Variants in GPHN observed in about 807,000 individuals in gnomAD.
GPHN encodes gephyrin.
GPHN carries 17 observed loss-of-function variants against 95.5 expected under a neutral mutation model. That is an observed-to-expected ratio of 0.18 (90% CI 0.12 to 0.27). The LOEUF is 0.27. Ranked by LOEUF, GPHN falls within the 10% of genes least tolerant of loss-of-function variation. GPHN has a pLI of 1.00. For missense variants in GPHN, 660 were observed against 978.1 expected, an observed-to-expected ratio of 0.67 and a Z score of 4.34; for synonymous variants, 320 against 322.5, an observed-to-expected ratio of 0.99 and a Z score of 0.08.
At chr14:67,463,671 T>C in the GPHN span, among the ~76,000 whole-genome samples, 1 of 149,024 alleles carries the variant, frequency 6.7e-6, no homozygotes. Flanking sequence ...AAAAGATTGC[T>C]GTGCCGAGCT....
chr14:66,907,377 T>C (rs908267579), intron 5 of GPHN, among the ~76,000 whole-genome samples: 10 of 152,050 alleles, frequency 6.6e-5, no homozygotes, highest in Admixed American at 6.6e-5. Flanking sequence ...AAAAGTAAAA[T>C]TATAAGAACA....
chr14:66,865,702 C>T (rs1330317022), intron 4 of GPHN, among the ~76,000 whole-genome samples: 1 of 152,064 alleles, frequency 6.6e-6, no homozygotes, highest in Non-Finnish European at 1.5e-5. Context: ...CTCTTGGATA[C>T]TTAATTTTTA....
In GPHN at chr14:66,652,946, G is replaced by T. The variant is rs564378493; in HGVS notation, c.65-28161G>T. Among the ~76,000 whole-genome samples, 3 of 152,258 alleles carry T rather than the reference G, an allele frequency of 2.0e-5. No individual in the cohort carries two copies. The South Asian group carries it at 6.2e-4, about 32-fold the overall frequency. ...TCACAACCTCCTGCATTCCATGCAG[G>T]CTTGACCTCTGCCTCTGCCTATTCT... On this transcript the variant is annotated intron_variant, in intron 1 of 22. Transcript: ENST00000478722.
At chr14:66,955,039 C>T (rs1368745958) in intron 8 of GPHN, among the ~76,000 whole-genome samples, 1 of 152,046 alleles carries the variant, frequency 6.6e-6, no homozygotes, top group African/African-American at 2.4e-5. Flanking sequence ...ATACTTGCAT[C>T]TATATTTATA....
intron 1 of GPHN, among the ~76,000 whole-genome samples, chr14:66,559,191 A>G (rs541456998): frequency 3.9e-5 from 6 of 152,268 alleles, no homozygotes; most frequent in South Asian, 2.1e-4. Context: ...TAGTACCGCA[A>G]TAAACATATG....
At chr14:67,726,887 G>T in the GPHN span, 1 of 1,118,442 alleles carries the variant, frequency 8.9e-7, no homozygotes, top group Non-Finnish European at 1.3e-6. Context: ...ACACCCAGAA[G>T]ATAGTGAGCT....
intron 5 of GPHN, among the ~76,000 whole-genome samples, chr14:66,905,660 A>G (rs1351746992): frequency 3.3e-5 from 5 of 152,070 alleles, no homozygotes; most frequent in Admixed American, 2.0e-4. Context: ...TTGTGGTACA[A>G]ATGATCCCAT....
At chr14:66,694,071 G>C (rs2067961375) in intron 2 of GPHN, among the ~76,000 whole-genome samples, 1 of 152,126 alleles carries the variant, frequency 6.6e-6, no homozygotes, top group Admixed American at 6.5e-5. Context: ...TGGTCTGAAT[G>C]TATATATCTG....
At chr14:67,201,329 A>G in the GPHN span, 24 of 364,400 alleles carry the variant, frequency 6.6e-5, no homozygotes, top group Non-Finnish European at 1.0e-4. Flanking sequence ...AAAAAAATTT[A>G]AAAGAGAGCA....
the GPHN span, chr14:67,579,077 T>C: frequency 1.6e-6 from 2 of 1,262,396 alleles, no homozygotes; most frequent in East Asian, 4.7e-5. Context: ...GGATCCGGGG[T>C]GCCAAAGTGG....
intron 2 of GPHN, among the ~76,000 whole-genome samples, chr14:66,722,351 A>G (rs531257002): frequency 2.8e-4 from 42 of 152,342 alleles, no homozygotes; most frequent in African/African-American, 9.4e-4. Flanking sequence ...TATCAAGAGC[A>G]GACAGGTAAT....
intron 1 of GPHN, among the ~76,000 whole-genome samples, chr14:66,676,055 C>T (rs10146175): frequency 0.28 from 41,799 of 150,200 alleles, 9,234 homozygotes; most frequent in African/African-American, 0.59. Context: ...GTTACACACA[C>T]ATATATATAT....
At chr14:67,029,590 GC>G (rs1416028865) in intron 10 of GPHN, among the ~76,000 whole-genome samples, 1 of 152,134 alleles carries the variant, frequency 6.6e-6, no homozygotes, top group Non-Finnish European at 1.5e-5. Flanking sequence ...ACCCGCCTCA[GC>G]CCCCCAAAGT....
chr14:67,222,192 A>C, the GPHN span, among the ~76,000 whole-genome samples: 1 of 152,208 alleles, frequency 6.6e-6, no homozygotes, highest in African/African-American at 2.4e-5. Flanking sequence ...GGAATGGTCC[A>C]CAACTAAATT....
the GPHN span, among the ~76,000 whole-genome samples, chr14:67,673,855 G>A: frequency 6.6e-6 from 1 of 152,102 alleles, no homozygotes; most frequent in African/African-American, 2.4e-5. Context: ...CTGTAAAAAC[G>A]TTCAAAACAA....
chr14:67,709,912 T>G, the GPHN span, among the ~76,000 whole-genome samples: 22 of 152,326 alleles, frequency 1.4e-4, no homozygotes, highest in Admixed American at 1.1e-3. Context: ...CAAACCTGCC[T>G]TCCATTCTAT....
intron 9 of GPHN, among the ~76,000 whole-genome samples, chr14:67,013,453 A>G (rs939385331): frequency 6.6e-6 from 1 of 152,074 alleles, no homozygotes; most frequent in Non-Finnish European, 1.5e-5. Context: ...GTTATATATT[A>G]TATTATTAAA....
the GPHN span, chr14:67,579,892 T>C: frequency 3.8e-6 from 6 of 1,583,518 alleles, no homozygotes; most frequent in Non-Finnish European, 5.2e-6. Flanking sequence ...AGCCTCCCAC[T>C]AAGCCAGCTG....
chr14:67,432,784 G>T, the GPHN span, among the ~76,000 whole-genome samples: 1 of 151,996 alleles, frequency 6.6e-6, no homozygotes, highest in African/African-American at 2.4e-5. Context: ...GGTGGTTGCC[G>T]GCAACCTGGG....
Sources: allele counts gnomAD v4.1 joint callset (sites outside exome capture counted in the v4.1 genomes callset), GRCh38; gene constraint gnomAD v4.1.1; transcripts MANE v1.5; gene names NCBI Gene and HGNC (gene_info 2026-07-23, HGNC 2026-07-21).